The following SLC25A13 variants were observed in gnomAD, a reference collection of about 807,000 sequenced individuals.
The protein encoded by SLC25A13 is solute carrier family 25 member 13.
In SLC25A13, 70 loss-of-function variants were observed where a neutral mutation model predicts 85.5. That is an observed-to-expected ratio of 0.82 (90% CI 0.68 to 1.00). The LOEUF (loss-of-function observed/expected upper bound fraction) is 1.00, where lower values mean the gene tolerates loss of function less well. Ranked by LOEUF, SLC25A13 falls within the 50% of genes least tolerant of loss-of-function variation. SLC25A13 has a pLI of 0.00. For synonymous variants in SLC25A13, 259 were observed against 288.7 expected, an observed-to-expected ratio of 0.90 and a Z score of 1.04; for missense variants, 765 against 819.8, an observed-to-expected ratio of 0.93 and a Z score of 0.82.
At chr7:96,129,527 G>T (rs1362108290) in intron 15 of SLC25A13, among the ~76,000 whole-genome samples, 1 of 151,518 alleles carries the variant, frequency 6.6e-6, no homozygotes, top group Non-Finnish European at 1.5e-5. Context: ...AAAATTTTTT[G>T]GAAAAAATTA....
intron 2 of SLC25A13, among the ~76,000 whole-genome samples, 199 bp from the exon 3 acceptor site, chr7:96,277,537 G>A (rs1798505966): frequency 6.6e-6 from 1 of 152,066 alleles, no homozygotes; most frequent in Admixed American, 6.6e-5. Context: ...ACTTAACTGG[G>A]AGCAATGTTT....
intron 13 of SLC25A13, among the ~76,000 whole-genome samples, chr7:96,152,275 C>T (rs920677196): frequency 2.0e-5 from 3 of 152,144 alleles, no homozygotes; most frequent in Non-Finnish European, 2.9e-5. Flanking sequence ...AGCTGGTAAA[C>T]ACAGCTTAGG....
chr7:96,210,173 G>A (rs1447024876), intron 4 of SLC25A13, among the ~76,000 whole-genome samples: 4 of 152,146 alleles, frequency 2.6e-5, no homozygotes, highest in African/African-American at 9.7e-5. Flanking sequence ...GGTTAGGTGT[G>A]TATTTGCACA....
At chr7:96,177,831 G>A (rs1286527746) in intron 11 of SLC25A13, among the ~76,000 whole-genome samples, 10 of 152,170 alleles carry the variant, frequency 6.6e-5, no homozygotes, top group Non-Finnish European at 1.5e-5. Context: ...ACTCAAAGTT[G>A]AATTCAGGCC....
intron 3 of SLC25A13, among the ~76,000 whole-genome samples, chr7:96,260,056 G>A (rs1797790333): frequency 6.6e-6 from 1 of 151,872 alleles, no homozygotes; most frequent in Admixed American, 6.6e-5. Context: ...GCCTGTCGGG[G>A]GGTGGGGAGC....
intron 3 of SLC25A13, among the ~76,000 whole-genome samples, chr7:96,253,627 ACT>A (rs1393275664): frequency 1.3e-5 from 2 of 152,148 alleles, no homozygotes; most frequent in African/African-American, 4.8e-5. Context: ...AATAAGAGTG[ACT>A]CTATAACATC....
chr7:96,306,891 C>G, intron 1 of SLC25A13: 1 of 1,123,252 alleles, frequency 8.9e-7, no homozygotes. Flanking sequence ...GGCTTCACTC[C>G]AATCTCTCTT....
intron 11 of SLC25A13, among the ~76,000 whole-genome samples, chr7:96,178,570 T>A (rs1388644441): frequency 6.6e-6 from 1 of 152,120 alleles, no homozygotes; most frequent in African/African-American, 2.4e-5. Flanking sequence ...TAGCAACCCC[T>A]CCGATGTCAA....
intron 4 of SLC25A13, among the ~76,000 whole-genome samples, chr7:96,210,700 C>T (rs1174211961): frequency 1.3e-5 from 2 of 152,002 alleles, no homozygotes; most frequent in African/African-American, 4.8e-5. Flanking sequence ...AATAAAGGCT[C>T]CCATAACCTT....
intron 13 of SLC25A13, among the ~76,000 whole-genome samples, chr7:96,147,737 C>T (rs1792862910): frequency 6.6e-6 from 1 of 152,036 alleles, no homozygotes; most frequent in South Asian, 2.1e-4. Context: ...GTTAAATGAA[C>T]TTGAGTATGT....
rs1372105286 is a variant in SLC25A13 at position 96,321,928 on chromosome 7, G to A, written c.15+14C>T. ...CGGCAGGCGCGCTCCCCCCGGCCTCGGGCCCGCGGTTACCTTGGCGGCCGC... is the reference window on the plus strand; with the variant it reads ...CGGCAGGCGCGCTCCCCCCGGCCTCAGGCCCGCGGTTACCTTGGCGGCCGC... On this transcript the variant is annotated intron_variant, in intron 1 of 17. Transcript: ENST00000265631. 2.0e-6 allele frequency: 3 copies of A among 1,531,446 alleles called. No homozygotes were observed. Among genetic ancestry groups the A allele is most frequent in the Admixed American group, 2.0e-5 (1 of 50,126 alleles). The allele number at this position is 1,531,446 out of a possible 1,614,324, so 94.9% of individuals were successfully genotyped here.
chr7:96,187,094 C>T (rs1220297684), intron 9 of SLC25A13, among the ~76,000 whole-genome samples: 2 of 152,152 alleles, frequency 1.3e-5, no homozygotes, highest in South Asian at 2.1e-4. Context: ...GATGCCAGAA[C>T]ATTTCAGAGT....
intron 3 of SLC25A13, among the ~76,000 whole-genome samples, chr7:96,276,811 T>C (rs971974237): frequency 1.3e-5 from 2 of 152,136 alleles, no homozygotes; most frequent in African/African-American, 4.8e-5. Context: ...GGCGATTTGC[T>C]CAGAAAGAAA....
intron 1 of SLC25A13, among the ~76,000 whole-genome samples, chr7:96,311,316 C>T (rs940541521): frequency 1.3e-5 from 2 of 152,068 alleles, no homozygotes; most frequent in African/African-American, 4.8e-5. Flanking sequence ...TACCAAGTAC[C>T]CAGCAATGTG....
At chr7:96,200,552 C>A (rs921533885) in intron 5 of SLC25A13, among the ~76,000 whole-genome samples, 1 of 151,944 alleles carries the variant, frequency 6.6e-6, no homozygotes, top group African/African-American at 2.4e-5. Context: ...CCCCCACCCC[C>A]CATTTGGCCA....
chr7:96,259,523 G>A (rs1216148213), intron 3 of SLC25A13, among the ~76,000 whole-genome samples: 3 of 152,168 alleles, frequency 2.0e-5, no homozygotes, highest in African/African-American at 7.2e-5. Context: ...TCTCACGCCA[G>A]TTAGAATGGA....
intron 1 of SLC25A13, among the ~76,000 whole-genome samples, chr7:96,304,382 C>T (rs898580582): frequency 2.6e-5 from 4 of 152,144 alleles, no homozygotes; most frequent in African/African-American, 9.7e-5. Context: ...CAGAAGGATT[C>T]AGTAGGTTGT....
intron 13 of SLC25A13, among the ~76,000 whole-genome samples, chr7:96,151,659 T>C (rs987376549): frequency 2.7e-5 from 4 of 150,292 alleles, no homozygotes; most frequent in Non-Finnish European, 5.9e-5. Context: ...AGATAAATAA[T>C]AGGTCGGGTG....
intron 3 of SLC25A13, among the ~76,000 whole-genome samples, chr7:96,258,186 C>G (rs1479425179): frequency 6.6e-6 from 1 of 152,160 alleles, no homozygotes; most frequent in Non-Finnish European, 1.5e-5. Flanking sequence ...TCTCACCACT[C>G]CTATTCAAAA....
Sources: allele counts gnomAD v4.1 joint callset (sites outside exome capture counted in the v4.1 genomes callset), GRCh38; gene constraint gnomAD v4.1.1; transcripts MANE v1.5; gene names NCBI Gene and HGNC (gene_info 2026-07-23, HGNC 2026-07-21).